Variants in ATP10D observed in about 807,000 individuals in gnomAD.
The protein encoded by ATP10D is phospholipid-transporting ATPase VD.
Under a neutral mutation model 144.8 loss-of-function variants are expected in ATP10D, and 89 were observed. That is an observed-to-expected ratio of 0.61 (90% confidence interval 0.52 to 0.73). ATP10D has a LOEUF of 0.73. ATP10D is among the 30% of genes least tolerant of loss of function. ATP10D has a pLI of 0.00. For missense variants in ATP10D, 1,603 were observed against 1,714.8 expected (o/e 0.93, Z 1.15); for synonymous variants, 571 against 615.1 (o/e 0.93, Z 1.06).
intron 19 of ATP10D, among the ~76,000 whole-genome samples, chr4:47,578,607 T>G (rs568113509): frequency 1.1e-4 from 16 of 152,346 alleles, no homozygotes; most frequent in African/African-American, 3.8e-4. Context: ...CCCAGATGCA[T>G]GAAGTTATAT....
chr4:47,591,316 G>T lies in ATP10D; in HGVS notation c.4216G>T (p.Asp1406Tyr). 1 of 1,612,644 alleles carries T rather than the reference G, an allele frequency of 6.2e-7. No individual in the cohort carries two copies. Among genetic ancestry groups the T allele is most frequent in the East Asian group, 2.2e-5 (1 of 44,884 alleles). The change falls in exon 23 of 23, where the codon GAT (aspartate) becomes TAT (tyrosine). Residue 1406 changes from aspartate to tyrosine, a missense_variant. Transcript: ENST00000273859. ...CTTATCTCTGTGTGAAACTGCTTTA[G>T]ATCAAGGCTACTCTGAAACTAAGGC... ...GNLSLCETALDQGYSETKAFE... is the reference protein window; with the variant it reads ...GNLSLCETALYQGYSETKAFE...
intron 15 of ATP10D, among the ~76,000 whole-genome samples, chr4:47,566,815 T>C (rs1719661727): frequency 6.6e-6 from 1 of 152,198 alleles, no homozygotes; most frequent in African/African-American, 2.4e-5. Flanking sequence ...AAATGTACCT[T>C]ATTTAATATG....
chr4:47,587,326 T>C (rs1720839637), intron 22 of ATP10D, 120 bp downstream of exon 22: 1 of 894,228 alleles, frequency 1.1e-6, no homozygotes, highest in Non-Finnish European at 1.7e-6. Flanking sequence ...GAAAGTCAAT[T>C]TGTGTCCTAG....
At chr4:47,540,689 C>T (rs1718091697) in intron 9 of ATP10D, among the ~76,000 whole-genome samples, 1 of 152,236 alleles carries the variant, frequency 6.6e-6, no homozygotes. Context: ...AAGTAATGAA[C>T]AAATGCTGAT....
intron 10 of ATP10D, among the ~76,000 whole-genome samples, chr4:47,550,596 G>A (rs1394135548): frequency 6.6e-6 from 1 of 152,132 alleles, no homozygotes; most frequent in Admixed American, 6.5e-5. Context: ...CTCTGACCTG[G>A]GGTTCTTGGC....
rs537596560 is a variant in ATP10D, at chr4:47,530,483, G to A, written c.776+4841G>A. ...GTTTGTTTGTTTGTTTTTCGAGACAGTCTCACTCTATTTCCCAGGCTAGAG... is the reference window on the plus strand; with the variant it reads ...GTTTGTTTGTTTGTTTTTCGAGACAATCTCACTCTATTTCCCAGGCTAGAG... On this transcript the variant is annotated intron_variant, in intron 5 of 22. Coordinates refer to ENST00000273859, the MANE Select transcript of ATP10D (RefSeq NM_020453.4). Among the ~76,000 whole-genome samples, 3 of 152,150 alleles carry A rather than the reference G, an allele frequency of 2.0e-5. No homozygotes were observed. The South Asian group carries it at 6.2e-4, about 32-fold the overall frequency.
At chr4:47,552,899 A>G (rs1256571254) in intron 10 of ATP10D, among the ~76,000 whole-genome samples, 1 of 152,220 alleles carries the variant, frequency 6.6e-6, no homozygotes, top group Non-Finnish European at 1.5e-5. Flanking sequence ...GGAGATTCCT[A>G]ATACCCATTA....
intron 1 of ATP10D, among the ~76,000 whole-genome samples, chr4:47,499,512 GA>G (rs5858073): frequency 0.13 from 20,195 of 152,066 alleles, 1,479 homozygotes; most frequent in African/African-American, 0.19. Flanking sequence ...AGCTGATGGG[GA>G]AAAAAGCCTG....
chr4:47,525,667 G>A (rs369510064), intron 5 of ATP10D, 25 bp downstream of exon 5: 2 of 1,521,104 alleles, frequency 1.3e-6, no homozygotes, highest in Non-Finnish European at 1.8e-6. Context: ...ATGAACATTT[G>A]TGGGTGTAAG....
intron 1 of ATP10D, among the ~76,000 whole-genome samples, chr4:47,487,733 G>A (rs189570578): frequency 9.6e-4 from 146 of 152,278 alleles, no homozygotes; most frequent in Non-Finnish European, 1.7e-3. Context: ...AGGACTAACA[G>A]TGATGCTAGT....
rs35012290 is a variant in ATP10D, at chr4:47,536,027, G to A, written c.1009G>A (p.Ala337Thr). ...MLLVIMCLTG[A>T]VGHGIWLSRY... is the part of the protein sequence containing the mutation. The stretch of plus-strand genomic sequence containing the variant: ...TCTGGTCATAATGTGCTTAACTGGC[G>A]CAGTAGGTAGGTAAAATTTGATTAT... The change falls in exon 7 of 23, where the codon GCA (alanine) becomes ACA (threonine). Residue 337 changes from alanine to threonine, a missense_variant. Coordinates refer to ENST00000273859, the MANE Select transcript of ATP10D (RefSeq NM_020453.4). 122,667 of 1,603,960 alleles carry A rather than the reference G, an allele frequency of 0.076. 5,023 individuals are homozygous for A. Among genetic ancestry groups the A allele is most frequent in the Admixed American group, 0.087 (4,988 of 57,608 alleles).
chr4:47,567,486 A>G (rs1577692907), intron 15 of ATP10D, among the ~76,000 whole-genome samples: 1 of 152,324 alleles, frequency 6.6e-6, no homozygotes, highest in African/African-American at 2.4e-5. Flanking sequence ...CAAAGACTAT[A>G]TTTATGTTAT....
chr4:47,572,572 C>T (rs972334490), intron 17 of ATP10D, among the ~76,000 whole-genome samples: 10 of 148,602 alleles, frequency 6.7e-5, no homozygotes, highest in East Asian at 3.9e-4. Context: ...GGCAGGAGAC[C>T]GAGGGAAAAA....
In ATP10D at chr4:47,561,175, T is replaced by C. The variant is rs75874231; in HGVS notation, c.2668+100T>C. The C allele has an allele frequency of 4.3e-4, 633 of 1,456,556 alleles. 1 individual carries two copies. The African/African-American group carries it at 7.4e-3, about 17-fold the overall frequency. The allele number at this position is 1,456,556 out of a possible 1,614,324, so 90.2% of individuals were successfully genotyped here. On this transcript the variant is annotated intron_variant, in intron 14 of 22. Transcript: ENST00000273859. ...TTCTTCCATTGTTATCTAATAAACA[T>C]ATATGGTTCTGCCTACCCTGTCCAG... is the stretch of plus-strand genomic sequence containing the variant.
chr4:47,582,149 A>G, intron 21 of ATP10D, 85 bp downstream of exon 21: 1 of 1,080,818 alleles, frequency 9.3e-7, no homozygotes. Flanking sequence ...CCTGAAGATA[A>G]GTGGTAATGA....
chr4:47,555,172 G>A (rs1212391732), intron 11 of ATP10D, among the ~76,000 whole-genome samples: 4 of 152,220 alleles, frequency 2.6e-5, no homozygotes. Context: ...GAGAGGGCCA[G>A]TGAGCATTAC....
chr4:47,488,439 A>G (rs1304734955), intron 1 of ATP10D, among the ~76,000 whole-genome samples: 1 of 152,002 alleles, frequency 6.6e-6, no homozygotes, highest in Non-Finnish European at 1.5e-5. Flanking sequence ...AGGCATATCC[A>G]TTAAAATATC....
intron 2 of ATP10D, 44 bp downstream of exon 2, chr4:47,512,874 T>C (rs1385691961): frequency 1.3e-6 from 2 of 1,498,280 alleles, no homozygotes; most frequent in Non-Finnish European, 1.8e-6. Context: ...ATCATTCTAG[T>C]TGATATATAA....
At chr4:47,535,794 C>A in intron 6 of ATP10D, 108 bp from the exon 7 acceptor site, 2 of 1,366,574 alleles carry the variant, frequency 1.5e-6, no homozygotes, top group South Asian at 1.5e-5. Context: ...CAAAATAGAT[C>A]ATGTAACTGT....
Sources: allele counts gnomAD v4.1 joint callset (sites outside exome capture counted in the v4.1 genomes callset), GRCh38; gene constraint gnomAD v4.1.1; transcripts MANE v1.5; gene names NCBI Gene and HGNC (gene_info 2026-07-23, HGNC 2026-07-21).